CREB5: variants seen among roughly 807,000 people sequenced by gnomAD.
CREB5 encodes cAMP responsive element binding protein 5, also known as cyclic AMP-responsive element-binding protein 5.
Under a neutral mutation model 57.1 loss-of-function variants are expected in CREB5, and 19 were observed. That is an observed-to-expected ratio of 0.33 (90% CI 0.23 to 0.49). The LOEUF is 0.49. CREB5 is among the 20% of genes least tolerant of loss of function. CREB5 has a pLI of 0.99. For synonymous variants in CREB5, 238 were observed against 238.3 expected (o/e 1.00, Z 0.01); for missense variants, 579 against 671.6 (o/e 0.86, Z 1.52).
chr7:28,642,969 C>T (rs1798723120), intron 5 of CREB5, among the ~76,000 whole-genome samples: 2 of 112,064 alleles, frequency 1.8e-5, no homozygotes, highest in Admixed American at 9.3e-5. Context: ...CACACACACA[C>T]ACACACACAC....
intron 5 of CREB5, among the ~76,000 whole-genome samples, chr7:28,610,862 TTTG>T (rs1797355294): frequency 6.6e-6 from 1 of 151,980 alleles, no homozygotes. Context: ...TGTTTTGTTT[TTTG>T]TTCTTTGGTT....
chr7:28,729,294 C>G (rs1438204827), intron 7 of CREB5, among the ~76,000 whole-genome samples: 1 of 152,150 alleles, frequency 6.6e-6, no homozygotes, highest in Non-Finnish European at 1.5e-5. Context: ...TGAGCTTGGG[C>G]CTTCACATTT....
chr7:28,692,025 A>C (rs1014331754), intron 5 of CREB5, among the ~76,000 whole-genome samples: 14 of 150,964 alleles, frequency 9.3e-5, no homozygotes, highest in Admixed American at 4.6e-4. Flanking sequence ...AAAAAAAAAA[A>C]AAAACAACAA....
chr7:28,638,594 GC>G (rs1288020842), intron 5 of CREB5, among the ~76,000 whole-genome samples: 1 of 152,040 alleles, frequency 6.6e-6, no homozygotes, highest in Admixed American at 6.6e-5. Context: ...ACATCCACCA[GC>G]CTCAGCCTCC....
At chr7:28,767,204 T>G (rs1255777175) in intron 7 of CREB5, among the ~76,000 whole-genome samples, 1 of 152,242 alleles carries the variant, frequency 6.6e-6, no homozygotes, top group African/African-American at 2.4e-5. Context: ...CTTAGCCCAT[T>G]TTAAAATTCT....
chr7:28,529,953 G>A (rs17156814), intron 4 of CREB5, among the ~76,000 whole-genome samples: 15,644 of 152,168 alleles, frequency 0.1, 1,123 homozygotes, highest in African/African-American at 0.2. Flanking sequence ...CAGATATCTT[G>A]CAAAATTATC....
At chr7:28,463,843 A>T (rs1020977382) in intron 1 of CREB5, among the ~76,000 whole-genome samples, 6 of 152,288 alleles carry the variant, frequency 3.9e-5, no homozygotes, top group African/African-American at 1.2e-4. Context: ...AGTTTCTTCC[A>T]TATACAAGAA....
chr7:28,731,517 C>T (rs1028373445), intron 7 of CREB5, among the ~76,000 whole-genome samples: 9 of 152,062 alleles, frequency 5.9e-5, no homozygotes, highest in South Asian at 4.1e-4. Context: ...TTGGCAAAAT[C>T]GTTTCTTTTG....
chr7:28,752,685 C>A (rs1487382458), intron 7 of CREB5, among the ~76,000 whole-genome samples: 7 of 152,164 alleles, frequency 4.6e-5, no homozygotes, highest in Non-Finnish European at 1.0e-4. Context: ...TAGGGCCTGT[C>A]TAATAAATGT....
At chr7:28,446,343 A>G (rs1789466997) in intron 1 of CREB5, among the ~76,000 whole-genome samples, 1 of 152,200 alleles carries the variant, frequency 6.6e-6, no homozygotes, top group Non-Finnish European at 1.5e-5. Flanking sequence ...CAGTGAAAAT[A>G]CAAACCAAAT....
chr7:28,357,541 G>T (rs772754654), intron 1 of CREB5, among the ~76,000 whole-genome samples: 11 of 151,802 alleles, frequency 7.2e-5, no homozygotes, highest in Non-Finnish European at 1.2e-4. Context: ...TTTTTTCGTG[G>T]GTCTTTTTTC....
intron 1 of CREB5, among the ~76,000 whole-genome samples, chr7:28,305,879 G>A (rs1236694015): frequency 6.6e-6 from 1 of 152,018 alleles, no homozygotes; most frequent in Non-Finnish European, 1.5e-5. Context: ...CTAACATTAT[G>A]CATGAACCCA....
At chr7:28,814,821 T>C (rs1482042545) in intron 9 of CREB5, among the ~76,000 whole-genome samples, 1 of 152,192 alleles carries the variant, frequency 6.6e-6, no homozygotes, top group Non-Finnish European at 1.5e-5. Flanking sequence ...TTTCTATGGC[T>C]TATGTGGTTA....
At chr7:28,632,927 G>A (rs219022) in intron 5 of CREB5, among the ~76,000 whole-genome samples, 2 of 151,940 alleles carry the variant, frequency 1.3e-5, no homozygotes, top group Admixed American at 6.5e-5. Flanking sequence ...ACCCTGAGTC[G>A]CTAGTTTGTA....
intron 7 of CREB5, among the ~76,000 whole-genome samples, chr7:28,737,116 G>C (rs1185719192): frequency 2.6e-5 from 4 of 151,918 alleles, no homozygotes; most frequent in Admixed American, 1.3e-4. Context: ...TTGAAATCTT[G>C]AATGTTAAAT....
chr7:28,698,794 C>T (rs997352795), intron 5 of CREB5, among the ~76,000 whole-genome samples: 1 of 152,156 alleles, frequency 6.6e-6, no homozygotes, highest in Admixed American at 6.5e-5. Flanking sequence ...GTTGAGTAAG[C>T]TGTGTTATAA....
intron 1 of CREB5, among the ~76,000 whole-genome samples, chr7:28,328,893 C>T (rs1313679525): frequency 3.3e-5 from 5 of 152,188 alleles, no homozygotes; most frequent in Non-Finnish European, 7.3e-5. Context: ...ACTGTATACA[C>T]TATGATGTGA....
chr7:28,415,016 A>G (rs894861896), intron 1 of CREB5, among the ~76,000 whole-genome samples: 6 of 152,138 alleles, frequency 3.9e-5, no homozygotes, highest in African/African-American at 1.4e-4. Context: ...CCCCTGAGAA[A>G]TAGATCAGAA....
intron 7 of CREB5, among the ~76,000 whole-genome samples, chr7:28,800,745 G>A (rs1184256312): frequency 6.6e-6 from 1 of 152,172 alleles, no homozygotes; most frequent in Non-Finnish European, 1.5e-5. Flanking sequence ...TGTGTGCTGA[G>A]TAACACTTGC....
Sources: gnomAD v4.1 joint callset for allele counts (sites outside exome capture counted in the v4.1 genomes callset) on GRCh38, gnomAD v4.1.1 for gene constraint, MANE v1.5 for transcripts, NCBI Gene and HGNC (gene_info 2026-07-23, HGNC 2026-07-21) for gene names.